PCDH9: variants seen among roughly 807,000 people sequenced by gnomAD.
The protein encoded by PCDH9 is protocadherin 9.
Under a neutral mutation model 70.6 loss-of-function variants are expected in PCDH9, and 24 were observed. That is an observed-to-expected ratio of 0.34 (90% confidence interval 0.25 to 0.48). The LOEUF (loss-of-function observed/expected upper bound fraction) is 0.48, where lower values mean the gene tolerates loss of function less well. PCDH9 is among the 20% of genes least tolerant of loss of function. The pLI is 0.99. For synonymous variants in PCDH9, 562 were observed against 558.5 expected (o/e 1.01, Z -0.09); for missense variants, 1,281 against 1,503.6 (o/e 0.85, Z 2.45).
intron 2 of PCDH9, among the ~76,000 whole-genome samples, chr13:67,010,133 TTACACATATTAATATGATCTAACCTC>T (rs2084425830): frequency 6.6e-6 from 1 of 152,020 alleles, no homozygotes; most frequent in Non-Finnish European, 1.5e-5. Context: ...GCTAAGAGGT[TTACACATATTAATATGATCTAACCTC>T]AATTTTTCCC....
At chr13:66,707,853 C>T (rs2078732278) in intron 3 of PCDH9, among the ~76,000 whole-genome samples, 1 of 152,148 alleles carries the variant, frequency 6.6e-6, no homozygotes, top group African/African-American at 2.4e-5. Context: ...ATATGCTCTC[C>T]TTGATAGGCC....
chr13:66,851,217 A>G (rs1255911325), intron 3 of PCDH9, among the ~76,000 whole-genome samples: 1 of 152,222 alleles, frequency 6.6e-6, no homozygotes, highest in East Asian at 1.9e-4. Context: ...GTATCTAGAA[A>G]TATTTCAACC....
At chr13:66,394,380 C>T (rs1957068252) in intron 4 of PCDH9, among the ~76,000 whole-genome samples, 1 of 152,150 alleles carries the variant, frequency 6.6e-6, no homozygotes, top group Non-Finnish European at 1.5e-5. Flanking sequence ...GGAATACCTA[C>T]ATGCCTATCT....
chr13:67,127,895 G>T (rs1025636982), intron 2 of PCDH9, among the ~76,000 whole-genome samples: 2 of 151,890 alleles, frequency 1.3e-5, no homozygotes, highest in Non-Finnish European at 2.9e-5. Flanking sequence ...CTGTCATTTT[G>T]TTAATGAATG....
chr13:67,053,788 T>C (rs535944733), intron 2 of PCDH9, among the ~76,000 whole-genome samples: 167 of 152,332 alleles, frequency 1.1e-3, no homozygotes, highest in Non-Finnish European at 2.0e-3. Context: ...TCCAGGCCCA[T>C]GTTTGAAGCA....
chr13:66,771,268 A>T (rs2079802250), intron 3 of PCDH9, among the ~76,000 whole-genome samples: 1 of 152,100 alleles, frequency 6.6e-6, no homozygotes, highest in South Asian at 2.1e-4. Context: ...TTAATATAGT[A>T]ATTGGTTTAA....
chr13:66,375,859 T>C (rs1309272654), intron 4 of PCDH9, among the ~76,000 whole-genome samples: 1 of 151,986 alleles, frequency 6.6e-6, no homozygotes, highest in Non-Finnish European at 1.5e-5. Context: ...TGAGCTTCCA[T>C]TAGGGTCAAA....
intron 3 of PCDH9, among the ~76,000 whole-genome samples, chr13:66,887,338 C>T (rs776112960): frequency 5.3e-5 from 8 of 151,770 alleles, no homozygotes; most frequent in Non-Finnish European, 5.9e-5. Flanking sequence ...TGAACCAAAA[C>T]GCCTGCTCAT....
At chr13:66,937,860 T>C (rs909620517) in intron 2 of PCDH9, among the ~76,000 whole-genome samples, 8 of 151,918 alleles carry the variant, frequency 5.3e-5, no homozygotes, top group Admixed American at 3.3e-4. Context: ...GACCATGAGG[T>C]ACCCCTGGAG....
intron 4 of PCDH9, among the ~76,000 whole-genome samples, chr13:66,393,095 G>A (rs1428932782): frequency 1.3e-5 from 2 of 151,988 alleles, no homozygotes; most frequent in African/African-American, 4.8e-5. Flanking sequence ...GCTATTGGAA[G>A]GTCTAGACTT....
At chr13:66,703,326 A>T (rs2078671010) in intron 3 of PCDH9, among the ~76,000 whole-genome samples, 1 of 152,180 alleles carries the variant, frequency 6.6e-6, no homozygotes, top group Admixed American at 6.5e-5. Context: ...ACCACAAATA[A>T]CTTCTGGCTT....
chr13:66,965,997 T>C (rs2139736212), intron 2 of PCDH9, among the ~76,000 whole-genome samples: 1 of 152,256 alleles, frequency 6.6e-6, no homozygotes, highest in Non-Finnish European at 1.5e-5. Flanking sequence ...CACCTAAATC[T>C]TTTTGAAATT....
rs57344938 is a variant in PCDH9 at position 66,539,870 on chromosome 13, C to CT, written c.3340+91339dup. 5.1e-3 allele frequency among the ~76,000 whole-genome samples: 422 copies of CT among 83,552 alleles called. 6 individuals are homozygous for CT. The highest frequency in any genetic ancestry group is 0.02 in the African/African-American group (408 of 20,734). 54.8% of individuals were successfully genotyped at this position (83,552 alleles called of 152,430 possible). A position where few individuals can be genotyped will look rare whatever the true frequency, so the allele number is the denominator to read the frequency against. On this transcript the variant is annotated intron_variant, in intron 4 of 4. Coordinates refer to ENST00000377865, the MANE Select transcript of PCDH9 (RefSeq NM_203487.3). Reference sequence around the variant, plus strand: ...TTTATTTTTTTATTTTCTTTTTTTCCTTTTTTTTTTTTTTTTTTGAGACAA... The same window carrying CT: ...TTTATTTTTTTATTTTCTTTTTTTCCTTTTTTTTTTTTTTTTTTTGAGACAA...
chr13:67,164,158 C>A (rs534523349), intron 2 of PCDH9, among the ~76,000 whole-genome samples: 76 of 152,270 alleles, frequency 5.0e-4, no homozygotes, highest in African/African-American at 1.8e-3. Flanking sequence ...CTAATTTCAT[C>A]CATAAACATT....
chr13:67,108,724 A>G (rs2086596816), intron 2 of PCDH9, among the ~76,000 whole-genome samples: 1 of 152,244 alleles, frequency 6.6e-6, no homozygotes, highest in Non-Finnish European at 1.5e-5. Context: ...AATTTTAATT[A>G]CAGTGGGTAC....
At chr13:67,203,151 A>C (rs185374989) in intron 2 of PCDH9, 1 of 152,264 alleles carries the variant, frequency 6.6e-6, no homozygotes, top group African/African-American at 2.4e-5. Flanking sequence ...ACATAATAAG[A>C]ACTTCAAATA....
At chr13:66,991,290 T>C (rs2083997648) in intron 2 of PCDH9, among the ~76,000 whole-genome samples, 1 of 152,052 alleles carries the variant, frequency 6.6e-6, no homozygotes, top group African/African-American at 2.4e-5. Context: ...GACACATTTT[T>C]TTTTTCCATT....
chr13:66,375,774 A>T (rs545472490), intron 4 of PCDH9, among the ~76,000 whole-genome samples: 1 of 152,228 alleles, frequency 6.6e-6, no homozygotes, highest in East Asian at 1.9e-4. Context: ...AAATCATTAT[A>T]TCTGAGCCAA....
chr13:66,847,666 A>G (rs1176569205), intron 3 of PCDH9, among the ~76,000 whole-genome samples: 1 of 152,192 alleles, frequency 6.6e-6, no homozygotes, highest in African/African-American at 2.4e-5. Context: ...CTGAAGTGCC[A>G]GCATCACTAC....
Sources: allele counts gnomAD v4.1 joint callset (sites outside exome capture counted in the v4.1 genomes callset), GRCh38; gene constraint gnomAD v4.1.1; transcripts MANE v1.5; gene names NCBI Gene and HGNC (gene_info 2026-07-23, HGNC 2026-07-21).